CACNB4: variants seen among roughly 807,000 people sequenced by gnomAD.
The protein encoded by CACNB4 is voltage-dependent L-type calcium channel subunit beta-4.
Under a neutral mutation model 71.2 loss-of-function variants are expected in CACNB4, and 32 were observed. The ratio of observed to expected loss-of-function variants is 0.45; its 90% CI spans 0.34 to 0.60. The LOEUF is 0.60. Among genes scored for constraint, CACNB4 ranks in the 20% least tolerant of loss-of-function variants. CACNB4 has a pLI of 0.01. For synonymous variants in CACNB4, 231 were observed against 236.9 expected, an observed-to-expected ratio of 0.97 and a Z score of 0.23; for missense variants, 464 against 647.9, an observed-to-expected ratio of 0.72 and a Z score of 3.08.
At chr2:152,081,609 G>C (rs529748163) in intron 2 of CACNB4, among the ~76,000 whole-genome samples, 3 of 152,040 alleles carry the variant, frequency 2.0e-5, no homozygotes, top group African/African-American at 7.3e-5. Flanking sequence ...AGAGAGCTCT[G>C]GTCCCCCTTC....
chr2:151,864,256 C>G (rs1049470370), intron 9 of CACNB4, among the ~76,000 whole-genome samples: 2 of 152,180 alleles, frequency 1.3e-5, no homozygotes, highest in Admixed American at 1.3e-4. Flanking sequence ...CCCCAGCAGA[C>G]TGGATGTAGC....
At chr2:151,948,543 C>G (rs190236685) in intron 2 of CACNB4, among the ~76,000 whole-genome samples, 2 of 152,086 alleles carry the variant, frequency 1.3e-5, no homozygotes, top group African/African-American at 4.8e-5. Context: ...TGCCTGTAGT[C>G]CCAGCTACTC....
intron 2 of CACNB4, among the ~76,000 whole-genome samples, chr2:151,994,421 G>A (rs900212924): frequency 2.0e-5 from 3 of 152,072 alleles, no homozygotes; most frequent in African/African-American, 4.8e-5. Flanking sequence ...TGCCGGGCTG[G>A]TCTCAAACTC....
At chr2:151,846,543 TTTTTG>T (rs907196433) in intron 12 of CACNB4, among the ~76,000 whole-genome samples, 1 of 152,048 alleles carries the variant, frequency 6.6e-6, no homozygotes, top group Non-Finnish European at 1.5e-5. Context: ...GTTTGTTTGT[TTTTTG>T]TTTTGTTTTG....
chr2:152,080,127 C>CA (rs879816076), intron 2 of CACNB4, among the ~76,000 whole-genome samples: 6 of 146,222 alleles, frequency 4.1e-5, no homozygotes, highest in African/African-American at 1.0e-4. Context: ...AATTTACTGT[C>CA]TTTTTTTTTT....
chr2:151,931,461 G>T (rs2099861604), intron 2 of CACNB4, among the ~76,000 whole-genome samples: 1 of 152,184 alleles, frequency 6.6e-6, no homozygotes, highest in South Asian at 2.1e-4. Context: ...AGCATGTGTA[G>T]TATGTGACAC....
chr2:151,846,973 G>C (rs1030552105), intron 12 of CACNB4, among the ~76,000 whole-genome samples: 4 of 151,848 alleles, frequency 2.6e-5, no homozygotes, highest in African/African-American at 9.7e-5. Context: ...ACATTTATTT[G>C]TTGTACATAG....
At chr2:152,040,618 T>C (rs1579184451) in intron 2 of CACNB4, among the ~76,000 whole-genome samples, 1 of 152,158 alleles carries the variant, frequency 6.6e-6, no homozygotes, top group African/African-American at 2.4e-5. Context: ...ATTTTTGTAT[T>C]TTTAGTAGAG....
At chr2:151,942,614 C>T (rs879478747) in intron 2 of CACNB4, among the ~76,000 whole-genome samples, 15 of 138,506 alleles carry the variant, frequency 1.1e-4, no homozygotes, top group East Asian at 1.9e-4. Context: ...TATAAATGGA[C>T]GTGCAATTAT....
At chr2:151,962,028 A>G (rs899812282) in intron 2 of CACNB4, among the ~76,000 whole-genome samples, 3 of 152,348 alleles carry the variant, frequency 2.0e-5, no homozygotes, top group African/African-American at 4.8e-5. Context: ...CCACTCTGCT[A>G]TTGCACTGCA....
chr2:151,958,704 A>T (rs1057456748), intron 2 of CACNB4, among the ~76,000 whole-genome samples: 3 of 152,062 alleles, frequency 2.0e-5, no homozygotes, highest in Non-Finnish European at 4.4e-5. Context: ...GGCTTCCATC[A>T]GCTCACACCT....
intron 2 of CACNB4, among the ~76,000 whole-genome samples, chr2:152,072,647 CT>C (rs964294271): frequency 3.0e-4 from 43 of 145,424 alleles, no homozygotes; most frequent in Admixed American, 3.5e-4. Flanking sequence ...TTTTTCTTTT[CT>C]TTTTTTTTTT....
chr2:151,981,982 G>A (rs1435994328), intron 2 of CACNB4, among the ~76,000 whole-genome samples: 1 of 152,064 alleles, frequency 6.6e-6, no homozygotes, highest in African/African-American at 2.4e-5. Flanking sequence ...TGCTAAACAT[G>A]GATAGAATTA....
chr2:152,082,155 C>T (rs1687390463), intron 2 of CACNB4, among the ~76,000 whole-genome samples: 3 of 152,226 alleles, frequency 2.0e-5, no homozygotes, highest in Non-Finnish European at 4.4e-5. Flanking sequence ...ACAAATACTT[C>T]ATCCTTGACA....
intron 2 of CACNB4, among the ~76,000 whole-genome samples, chr2:151,982,903 C>G (rs997317840): frequency 6.6e-6 from 1 of 152,110 alleles, no homozygotes; most frequent in Non-Finnish European, 1.5e-5. Context: ...GGAATAAAGA[C>G]AACCAGAAAA....
chr2:152,071,804 T>C (rs1015901075), intron 2 of CACNB4, among the ~76,000 whole-genome samples: 1 of 152,220 alleles, frequency 6.6e-6, no homozygotes, highest in African/African-American at 2.4e-5. Flanking sequence ...GCATCTAATA[T>C]TTCCTAATCC....
rs1344787388 is a variant in CACNB4 at position 151,835,175 on chromosome 2, T to A, written c.*3944A>T. On this transcript the variant is annotated 3_prime_UTR_variant, in exon 14 of 14. Transcript: ENST00000539935. ...ACTTAGAACTAGATATTATAACAAGTTGCACACAAAGGCAATTCCCTTGCA... is the reference window on the plus strand; with the variant it reads ...ACTTAGAACTAGATATTATAACAAGATGCACACAAAGGCAATTCCCTTGCA... The A allele has an allele frequency of 6.6e-6, 1 of 151,944 alleles. No individual in the cohort carries two copies. The highest frequency in any genetic ancestry group is 1.5e-5 in the Non-Finnish European group (1 of 67,806). The allele number at this position is 151,944 out of a possible 1,614,324, so 9.4% of individuals were successfully genotyped here.
At chr2:152,039,561 T>C (rs1684771437) in intron 2 of CACNB4, among the ~76,000 whole-genome samples, 1 of 152,234 alleles carries the variant, frequency 6.6e-6, no homozygotes, top group Non-Finnish European at 1.5e-5. Context: ...TGTTTTCATA[T>C]AGGTTTTATC....
chr2:151,833,912 A>G lies in CACNB4; in HGVS notation c.*5207T>C, dbSNP rs2099834333. 6.6e-6 allele frequency: 1 copy of G among 152,122 alleles called. No homozygotes were observed. The highest frequency in any genetic ancestry group is 1.5e-5 in the Non-Finnish European group (1 of 67,942). The allele number at this position is 152,122 out of a possible 1,614,324, so 9.4% of individuals were successfully genotyped here. A position where few individuals can be genotyped will look rare whatever the true frequency, so the allele number is the denominator to read the frequency against. On this transcript the variant is annotated 3_prime_UTR_variant, in exon 14 of 14. Coordinates refer to ENST00000539935, the MANE Select transcript of CACNB4 (RefSeq NM_000726.5). ...AACAACATAGATTTATTTTGGCAAT[A>G]AAATGCTTTCATTTTAATAACATCC... is the stretch of plus-strand genomic sequence containing the variant.
Sources: gnomAD v4.1 joint callset for allele counts (sites outside exome capture counted in the v4.1 genomes callset) on GRCh38, gnomAD v4.1.1 for gene constraint, MANE v1.5 for transcripts, NCBI Gene and HGNC (gene_info 2026-07-23, HGNC 2026-07-21) for gene names.